Variants in GPC5 observed in about 807,000 individuals in gnomAD.
GPC5 encodes glypican-5.
Under a neutral mutation model 53.9 loss-of-function variants are expected in GPC5, and 47 were observed. The observed-to-expected ratio is 0.87, with a 90% CI of 0.69 to 1.11. The LOEUF (loss-of-function observed/expected upper bound fraction) is 1.11. GPC5 is among the 50% of genes most tolerant of loss of function. The pLI is 0.00. For synonymous variants in GPC5, 286 were observed against 263.3 expected, an observed-to-expected ratio of 1.09 and a Z score of -0.84; for missense variants, 748 against 713.1, an observed-to-expected ratio of 1.05 and a Z score of -0.56.
intron 7 of GPC5, among the ~76,000 whole-genome samples, chr13:92,401,478 TATTTA>T (rs1362336717): frequency 6.6e-6 from 1 of 152,110 alleles, no homozygotes; most frequent in Non-Finnish European, 1.5e-5. Flanking sequence ...CAAATTTCAA[TATTTA>T]ATTATTTCAT....
intron 6 of GPC5, among the ~76,000 whole-genome samples, chr13:91,973,982 G>T (rs905331226): frequency 1.3e-5 from 2 of 152,184 alleles, no homozygotes; most frequent in African/African-American, 4.8e-5. Flanking sequence ...CCAGCTGCGT[G>T]CTGGGAGAAC....
intron 7 of GPC5, among the ~76,000 whole-genome samples, chr13:92,749,471 C>G (rs566646668): frequency 8.1e-4 from 123 of 152,092 alleles, no homozygotes; most frequent in African/African-American, 2.9e-3. Flanking sequence ...TTCACAATAA[C>G]TGTAAAATGG....
chr13:91,931,787 A>T (rs962381384), intron 6 of GPC5, among the ~76,000 whole-genome samples: 1 of 151,994 alleles, frequency 6.6e-6, no homozygotes, highest in African/African-American at 2.4e-5. Flanking sequence ...GAATGAGTTG[A>T]TTCGTGGCAC....
chr13:91,718,797 T>C (rs1047867352), intron 3 of GPC5, among the ~76,000 whole-genome samples: 4 of 152,184 alleles, frequency 2.6e-5, no homozygotes, highest in Non-Finnish European at 4.4e-5. Context: ...TGGTTCCCAG[T>C]GATTTTCTCT....
chr13:92,005,620 A>C (rs2040599650), intron 6 of GPC5, among the ~76,000 whole-genome samples: 1 of 152,210 alleles, frequency 6.6e-6, no homozygotes, highest in Admixed American at 6.5e-5. Flanking sequence ...ACACAGATAC[A>C]TGTAACTTAT....
intron 2 of GPC5, among the ~76,000 whole-genome samples, chr13:91,492,847 G>A (rs535566867): frequency 5.3e-5 from 8 of 152,142 alleles, no homozygotes; most frequent in Non-Finnish European, 1.0e-4. Context: ...CACCCACTCC[G>A]TGGACATACC....
chr13:92,313,380 C>T (rs1011269933), intron 7 of GPC5, among the ~76,000 whole-genome samples: 1 of 152,156 alleles, frequency 6.6e-6, no homozygotes, highest in Admixed American at 6.5e-5. Flanking sequence ...ATCATTTATA[C>T]CTAAAAGCCA....
At chr13:92,123,990 T>G (rs2041672647) in intron 6 of GPC5, among the ~76,000 whole-genome samples, 1 of 152,050 alleles carries the variant, frequency 6.6e-6, no homozygotes, top group African/African-American at 2.4e-5. Context: ...TCCTCAAAAT[T>G]TAGGTTTTCG....
intron 7 of GPC5, among the ~76,000 whole-genome samples, chr13:92,206,596 TTTG>T (rs1374447163): frequency 7.9e-5 from 12 of 152,142 alleles, no homozygotes; most frequent in African/African-American, 2.9e-4. Context: ...TTAGATTAAT[TTTG>T]TTTTTCCTCA....
At chr13:92,149,068 G>T (rs542479922) in intron 7 of GPC5, among the ~76,000 whole-genome samples, 1 of 150,982 alleles carries the variant, frequency 6.6e-6, no homozygotes, top group Non-Finnish European at 1.5e-5. Flanking sequence ...AGTGGTAATC[G>T]AGGGAAAATG....
At chr13:91,548,781 C>T (rs924005285) in intron 2 of GPC5, among the ~76,000 whole-genome samples, 16 of 152,046 alleles carry the variant, frequency 1.1e-4, no homozygotes, top group Admixed American at 9.8e-4. Flanking sequence ...AATGGGGACC[C>T]CAGAAATAGA....
At chr13:91,702,682 T>C (rs1011661962) in intron 3 of GPC5, among the ~76,000 whole-genome samples, 26 of 152,098 alleles carry the variant, frequency 1.7e-4, no homozygotes, top group African/African-American at 5.3e-4. Context: ...AAAAATTTCA[T>C]TGGTACTTTG....
At chr13:91,662,939 A>G (rs56382565) in intron 2 of GPC5, among the ~76,000 whole-genome samples, 13,805 of 152,214 alleles carry the variant, frequency 0.091, 2,058 homozygotes, top group African/African-American at 0.31. Context: ...ACAGAGAGAG[A>G]TGGATAAATC....
At chr13:91,626,277 A>G (rs1228826603) in intron 2 of GPC5, among the ~76,000 whole-genome samples, 1 of 152,170 alleles carries the variant, frequency 6.6e-6, no homozygotes, top group Non-Finnish European at 1.5e-5. Context: ...TATAAAGTCA[A>G]TAACATATTT....
intron 2 of GPC5, among the ~76,000 whole-genome samples, chr13:91,588,898 CA>C (rs1566532300): frequency 6.6e-6 from 1 of 152,076 alleles, no homozygotes; most frequent in Non-Finnish European, 1.5e-5. Context: ...CCCTTTTTAC[CA>C]AACTTAAAAT....
chr13:91,880,352 G>A (rs544776582), intron 5 of GPC5, among the ~76,000 whole-genome samples: 65 of 151,514 alleles, frequency 4.3e-4, no homozygotes, highest in Non-Finnish European at 7.2e-4. Flanking sequence ...ATATTTTTCC[G>A]TATTATGGGC....
intron 7 of GPC5, among the ~76,000 whole-genome samples, chr13:92,572,526 T>A (rs893992020): frequency 6.6e-6 from 1 of 152,192 alleles, no homozygotes; most frequent in Non-Finnish European, 1.5e-5. Context: ...CAGAAGCATT[T>A]CTGTTAGATA....
chr13:92,241,482 A>C (rs1200530227), intron 7 of GPC5: 1 of 152,196 alleles, frequency 6.6e-6, no homozygotes, highest in Non-Finnish European at 1.5e-5. Flanking sequence ...AAGAAATAGA[A>C]GGGAATAGTT....
At chr13:92,143,766 C>T (rs889992830) in intron 6 of GPC5, among the ~76,000 whole-genome samples, 1 of 152,018 alleles carries the variant, frequency 6.6e-6, no homozygotes, top group African/African-American at 2.4e-5. Flanking sequence ...GTTAGATATC[C>T]TGAGGCTATT....
Sources: gnomAD v4.1 joint callset for allele counts (sites outside exome capture counted in the v4.1 genomes callset) on GRCh38, gnomAD v4.1.1 for gene constraint, MANE v1.5 for transcripts, NCBI Gene and HGNC (gene_info 2026-07-23, HGNC 2026-07-21) for gene names.